AGBL4: variants seen among roughly 807,000 people sequenced by gnomAD.
AGBL4 encodes the protein AGBL carboxypeptidase 4.
AGBL4 carries 58 observed loss-of-function variants against 66.4 expected under a neutral mutation model. The observed-to-expected ratio is 0.87, with a 90% CI of 0.71 to 1.09. AGBL4 has a LOEUF of 1.09. AGBL4 is among the 50% of genes least tolerant of loss of function. The pLI is 0.00. For synonymous variants in AGBL4, 234 were observed against 222.9 expected, an observed-to-expected ratio of 1.05 and a Z score of -0.44; for missense variants, 579 against 631.0, an observed-to-expected ratio of 0.92 and a Z score of 0.88.
chr1:49,657,293 C>G (rs1410530273), intron 3 of AGBL4, among the ~76,000 whole-genome samples: 1 of 152,182 alleles, frequency 6.6e-6, no homozygotes, highest in African/African-American at 2.4e-5. Context: ...AGGAATCCAA[C>G]TTACAAGGGA....
intron 6 of AGBL4, among the ~76,000 whole-genome samples, chr1:48,744,156 C>T (rs1650367501): frequency 6.6e-6 from 1 of 152,188 alleles, no homozygotes; most frequent in Non-Finnish European, 1.5e-5. Flanking sequence ...ATCGTTCTGA[C>T]AGCACCTCCC....
At chr1:49,830,406 A>G (rs1045714735) in intron 2 of AGBL4, among the ~76,000 whole-genome samples, 2 of 152,156 alleles carry the variant, frequency 1.3e-5, no homozygotes, top group African/African-American at 4.8e-5. Flanking sequence ...TGGCTACACA[A>G]ATGTCTCCTT....
At chr1:49,820,030 A>G (rs775647228) in intron 2 of AGBL4, among the ~76,000 whole-genome samples, 3 of 152,142 alleles carry the variant, frequency 2.0e-5, no homozygotes, top group African/African-American at 2.4e-5. Context: ...AAAAGCTCCA[A>G]TAAAGACCCT....
intron 5 of AGBL4, among the ~76,000 whole-genome samples, chr1:48,898,162 T>C (rs1267916134): frequency 1.3e-5 from 2 of 152,194 alleles, no homozygotes; most frequent in Non-Finnish European, 2.9e-5. Flanking sequence ...TTTGTTTTGT[T>C]TTTGGCTTAA....
intron 5 of AGBL4, among the ~76,000 whole-genome samples, chr1:48,887,528 A>G (rs1045045374): frequency 1.3e-5 from 2 of 152,162 alleles, no homozygotes; most frequent in Non-Finnish European, 2.9e-5. Flanking sequence ...CAACAACCCC[A>G]TGGGAGAAGC....
chr1:48,670,182 C>T (rs1354678901), intron 6 of AGBL4, among the ~76,000 whole-genome samples: 1 of 152,170 alleles, frequency 6.6e-6, no homozygotes, highest in African/African-American at 2.4e-5. Flanking sequence ...ATGTCTTGGA[C>T]ATATTAAACT....
At chr1:48,625,044 A>T (rs1645478500) in intron 9 of AGBL4, among the ~76,000 whole-genome samples, 2 of 151,822 alleles carry the variant, frequency 1.3e-5, no homozygotes, top group Admixed American at 6.6e-5. Context: ...AGTAGCTAAG[A>T]CTTAAAGGCC....
chr1:48,979,555 G>C (rs962719391), intron 5 of AGBL4, among the ~76,000 whole-genome samples: 4 of 152,098 alleles, frequency 2.6e-5, no homozygotes, highest in African/African-American at 9.7e-5. Flanking sequence ...TAGTGATTTG[G>C]ATAGGGTGGG....
At chr1:49,127,108 T>C (rs1010603768) in intron 4 of AGBL4, among the ~76,000 whole-genome samples, 4 of 152,186 alleles carry the variant, frequency 2.6e-5, no homozygotes, top group Non-Finnish European at 5.9e-5. Flanking sequence ...AGATTTTGGA[T>C]AATAGGTAGT....
intron 1 of AGBL4, among the ~76,000 whole-genome samples, chr1:49,982,281 G>A (rs1210078571): frequency 6.6e-6 from 1 of 152,240 alleles, no homozygotes; most frequent in Non-Finnish European, 1.5e-5. Flanking sequence ...AGAGCTGGCA[G>A]GAGCCAAGGA....
intron 11 of AGBL4, among the ~76,000 whole-genome samples, chr1:48,557,507 G>A (rs1223136493): frequency 2.6e-5 from 4 of 152,116 alleles, no homozygotes; most frequent in Non-Finnish European, 5.9e-5. Flanking sequence ...GTGATGTGAT[G>A]AAGAGAAGGA....
chr1:49,078,762 T>C (rs1007332059), intron 4 of AGBL4, among the ~76,000 whole-genome samples: 1 of 152,214 alleles, frequency 6.6e-6, no homozygotes, highest in African/African-American at 2.4e-5. Context: ...CACCTCTTTA[T>C]TGACCTTTTG....
intron 3 of AGBL4, among the ~76,000 whole-genome samples, chr1:49,483,347 A>C (rs1646995968): frequency 6.6e-6 from 1 of 152,074 alleles, no homozygotes; most frequent in Non-Finnish European, 1.5e-5. Context: ...AAAATAGAAA[A>C]TTATTCCCTG....
intron 2 of AGBL4, among the ~76,000 whole-genome samples, chr1:49,781,112 A>C (rs1355410287): frequency 6.6e-6 from 1 of 152,172 alleles, no homozygotes; most frequent in African/African-American, 2.4e-5. Context: ...ATAAGAGGCC[A>C]AGAGTGATGG....
chr1:48,730,828 A>C (rs1172748726), intron 6 of AGBL4, among the ~76,000 whole-genome samples: 1 of 152,234 alleles, frequency 6.6e-6, no homozygotes, highest in Non-Finnish European at 1.5e-5. Flanking sequence ...TATAAAAATT[A>C]ACCGGAACGC....
intron 3 of AGBL4, among the ~76,000 whole-genome samples, chr1:49,303,007 T>C (rs1037636985): frequency 6.6e-6 from 1 of 152,150 alleles, no homozygotes; most frequent in African/African-American, 2.4e-5. Context: ...TCTCTTTTCA[T>C]GGCTGCATAG....
At chr1:48,802,076 T>G (rs1455593590) in intron 6 of AGBL4, among the ~76,000 whole-genome samples, 4 of 152,210 alleles carry the variant, frequency 2.6e-5, no homozygotes. Flanking sequence ...TCCTATCAGT[T>G]GATAGAAAGT....
Position 48,644,925 on chromosome 1 carries a change from T to A in AGBL4, c.839+8412A>T, listed in dbSNP as rs1645810944. 2.0e-5 allele frequency among the ~76,000 whole-genome samples: 3 copies of A among 152,312 alleles called. No individual in the cohort carries two copies. In the South Asian group the frequency reaches 6.2e-4, roughly 32 times the overall value. ...ATCACATTGTTTTGCTCCTCCAGAC[T>A]CCCTAGCTGCTAATTCTGGGTTACT... On this transcript the variant is annotated intron_variant, in intron 8 of 13. Transcript: ENST00000371839.
intron 9 of AGBL4, among the ~76,000 whole-genome samples, chr1:48,603,468 CAAAAT>C (rs1005345106): frequency 2.1e-4 from 32 of 151,744 alleles, no homozygotes; most frequent in African/African-American, 7.5e-4. Flanking sequence ...GACTCCGTTT[CAAAAT>C]AAAATAAATT....
Sources: gnomAD v4.1 joint callset for allele counts (sites outside exome capture counted in the v4.1 genomes callset) on GRCh38, gnomAD v4.1.1 for gene constraint, MANE v1.5 for transcripts, NCBI Gene and HGNC (gene_info 2026-07-23, HGNC 2026-07-21) for gene names.